GLRA1: variants seen among roughly 807,000 people sequenced by gnomAD.
GLRA1 encodes the protein glycine receptor subunit alpha-1.
A neutral mutation model predicts 48.3 loss-of-function variants in GLRA1; 37 were observed. That is an observed-to-expected ratio of 0.77 (90% CI 0.59 to 1.01). The LOEUF (loss-of-function observed/expected upper bound fraction) is 1.01, where lower values mean the gene tolerates loss of function less well. Among genes scored for constraint, GLRA1 ranks in the 50% least tolerant of loss-of-function variants. GLRA1 has a pLI of 0.00. For synonymous variants in GLRA1, 196 were observed against 210.7 expected (o/e 0.93, Z 0.60); for missense variants, 427 against 571.0 (o/e 0.75, Z 2.57).
intron 3 of GLRA1, among the ~76,000 whole-genome samples, chr5:151,863,209 C>A (rs190301181): frequency 2.6e-5 from 4 of 152,196 alleles, no homozygotes; most frequent in Admixed American, 1.3e-4. Context: ...TTGAGACTAG[C>A]CTGGCCAACA....
At chr5:151,899,498 A>G (rs987572669) in intron 1 of GLRA1, among the ~76,000 whole-genome samples, 2 of 152,102 alleles carry the variant, frequency 1.3e-5, no homozygotes, top group African/African-American at 4.8e-5. Context: ...GCTTCTGGGA[A>G]GAGGTGGGGC....
chr5:151,850,417 AG>A, intron 7 of GLRA1: 1 of 1,210,574 alleles, frequency 8.3e-7, no homozygotes, highest in Non-Finnish European at 1.2e-6. Context: ...GGGAACAGGA[AG>A]TGTTCAGGCT....
At chr5:151,903,333 T>A (rs543060364) in intron 1 of GLRA1, among the ~76,000 whole-genome samples, 64 of 152,308 alleles carry the variant, frequency 4.2e-4, no homozygotes, top group Admixed American at 7.2e-4. Flanking sequence ...GAGTGACTGG[T>A]CTTCAGAAAG....
Position 151,886,398 on chromosome 5 carries a change from G to A in GLRA1, c.252+323C>T, listed in dbSNP as rs1008659999. Among the ~76,000 whole-genome samples the A allele has an allele frequency of 5.3e-5, 8 of 152,294 alleles. 1 individual carries two copies. In the East Asian group the frequency reaches 1.3e-3, roughly 26 times the overall value. On this transcript the variant is annotated intron_variant, in intron 3 of 8. Coordinates refer to ENST00000274576, the MANE Select transcript of GLRA1 (RefSeq NM_000171.4). ...ACCAGCAGTCTTCTGCCATTCTGCA[G>A]TTGAATGTTAAACTTAAAAACAGGT...
chr5:151,841,605 G>A (rs1763714066), intron 7 of GLRA1, among the ~76,000 whole-genome samples: 1 of 152,158 alleles, frequency 6.6e-6, no homozygotes, highest in Non-Finnish European at 1.5e-5. Context: ...AAGAAAAAAT[G>A]AGGGAAGAAT....
chr5:151,886,899 G>T, intron 2 of GLRA1, 111 bp from the exon 3 acceptor site: 1 of 821,444 alleles, frequency 1.2e-6, no homozygotes, highest in Non-Finnish European at 2.2e-6. Context: ...TGGTGGAGGA[G>T]ATCCTTGCTT....
At chr5:151,858,056 C>T (rs6878691) in intron 4 of GLRA1, among the ~76,000 whole-genome samples, 1 of 151,984 alleles carries the variant, frequency 6.6e-6, no homozygotes, top group East Asian at 1.9e-4. Context: ...TGCTCTCCTG[C>T]AAAGCCAACC....
chr5:151,898,954 G>C (rs1031610086), intron 1 of GLRA1, among the ~76,000 whole-genome samples: 1 of 152,184 alleles, frequency 6.6e-6, no homozygotes, highest in Non-Finnish European at 1.5e-5. Context: ...AAGAGTGTTT[G>C]AGGTAGAAGG....
rs113354296 is a variant in GLRA1 at position 151,908,877 on chromosome 5, C to T, written c.56+15617G>A. On this transcript the variant is annotated intron_variant, in intron 1 of 8. Coordinates refer to ENST00000274576, the MANE Select transcript of GLRA1 (RefSeq NM_000171.4). ...TCTATCTACTTTCTCCATCCTACCC[C>T]GCCATGTCTTTGGAGGGGTTTGTCC... Among the ~76,000 whole-genome samples, 11 of 152,236 alleles carry T rather than the reference C, an allele frequency of 7.2e-5. No homozygotes were observed. In the East Asian group the frequency reaches 1.2e-3, roughly 16 times the overall value.
At chr5:151,866,648 A>G (rs1753344530) in intron 3 of GLRA1, among the ~76,000 whole-genome samples, 1 of 152,106 alleles carries the variant, frequency 6.6e-6, no homozygotes, top group Admixed American at 6.5e-5. Flanking sequence ...TCGAAACTCA[A>G]TCCAACTCTA....
At chr5:151,892,503 C>T in intron 1 of GLRA1, 65 bp from the exon 2 acceptor site, 5 of 1,562,252 alleles carry the variant, frequency 3.2e-6, no homozygotes, top group Non-Finnish European at 4.4e-6. Context: ...GATCAGATCC[C>T]AGCCTTGTCC....
intron 1 of GLRA1, among the ~76,000 whole-genome samples, chr5:151,898,910 TA>T: frequency 6.6e-6 from 1 of 152,124 alleles, no homozygotes; most frequent in Non-Finnish European, 1.5e-5. Context: ...ACTTGAAGGT[TA>T]GATATGGAGT....
At chr5:151,921,874 T>TA (rs1256287567) in intron 1 of GLRA1, among the ~76,000 whole-genome samples, 2 of 152,200 alleles carry the variant, frequency 1.3e-5, no homozygotes, top group African/African-American at 4.8e-5. Context: ...CACCCGATCT[T>TA]ACTTATGAAG....
chr5:151,916,828 G>C (rs1213810415), intron 1 of GLRA1, among the ~76,000 whole-genome samples: 1 of 152,116 alleles, frequency 6.6e-6, no homozygotes, highest in Non-Finnish European at 1.5e-5. Flanking sequence ...AGAGTTCCCA[G>C]CTGTGTGAAT....
intron 3 of GLRA1, among the ~76,000 whole-genome samples, chr5:151,867,569 C>T (rs562349646): frequency 1.3e-5 from 2 of 152,280 alleles, no homozygotes; most frequent in South Asian, 2.1e-4. Flanking sequence ...TGAGGCCCTA[C>T]TATACAACAG....
chr5:151,885,039 G>A (rs982568007), intron 3 of GLRA1, among the ~76,000 whole-genome samples: 1 of 152,172 alleles, frequency 6.6e-6, no homozygotes, highest in Non-Finnish European at 1.5e-5. Context: ...GAGATAAGAG[G>A]CCTGTTACTT....
intron 3 of GLRA1, among the ~76,000 whole-genome samples, chr5:151,865,435 A>G (rs1403203214): frequency 6.6e-6 from 1 of 152,180 alleles, no homozygotes; most frequent in African/African-American, 2.4e-5. Flanking sequence ...GAGGTAAAGC[A>G]AGAGTGTGGC....
intron 7 of GLRA1, among the ~76,000 whole-genome samples, chr5:151,843,092 A>C (rs1487348668): frequency 6.6e-6 from 1 of 152,178 alleles, no homozygotes; most frequent in Non-Finnish European, 1.5e-5. Context: ...GAAAGAAATT[A>C]AAGATGACCT....
intron 1 of GLRA1, among the ~76,000 whole-genome samples, chr5:151,904,664 A>G (rs1414952624): frequency 6.6e-6 from 1 of 152,182 alleles, no homozygotes. Context: ...GCAGCCTTGG[A>G]CAAGTTACTT....
Sources: gnomAD v4.1 joint callset for allele counts (sites outside exome capture counted in the v4.1 genomes callset) on GRCh38, gnomAD v4.1.1 for gene constraint, MANE v1.5 for transcripts, NCBI Gene and HGNC (gene_info 2026-07-23, HGNC 2026-07-21) for gene names.